PANK3: variants seen among roughly 807,000 people sequenced by gnomAD.
The protein encoded by PANK3 is pantothenate kinase 3, also known as hPanK3.
A neutral mutation model predicts 39.4 loss-of-function variants in PANK3; 20 were observed. The ratio of observed to expected loss-of-function variants is 0.51; its 90% CI spans 0.36 to 0.74. The LOEUF (loss-of-function observed/expected upper bound fraction) is 0.74. Among genes scored for constraint, PANK3 ranks in the 30% least tolerant of loss-of-function variants. PANK3 has a pLI of 0.00. For missense variants in PANK3, 265 were observed against 437.0 expected (o/e 0.61, Z 3.51); for synonymous variants, 140 against 157.3 (o/e 0.89, Z 0.82).
intron 1 of PANK3, among the ~76,000 whole-genome samples, chr5:168,575,670 T>C (rs995063835): frequency 6.6e-6 from 1 of 152,068 alleles, no homozygotes; most frequent in Non-Finnish European, 1.5e-5. Context: ...CCTGTAGTTC[T>C]AGCTACTGGG....
rs571035542 is a variant in PANK3, at chr5:168,578,966, T to C, written c.28+290A>G. Among the ~76,000 whole-genome samples the C allele has an allele frequency of 4.7e-4, 72 of 152,286 alleles. 1 individual carries two copies. The South Asian group carries it at 8.1e-3, about 17-fold the overall frequency. ...TTCAGGGGGAGCTGGGAGAGGAGACTAGTCTGGTTTGACAAAAATCAGAAT... is the reference window on the plus strand; with the variant it reads ...TTCAGGGGGAGCTGGGAGAGGAGACCAGTCTGGTTTGACAAAAATCAGAAT... On this transcript the variant is annotated intron_variant, in intron 1 of 6. Coordinates refer to ENST00000239231, the MANE Select transcript of PANK3 (RefSeq NM_024594.4).
At chr5:168,574,627 C>T (rs373078591) in intron 1 of PANK3, among the ~76,000 whole-genome samples, 131 of 152,164 alleles carry the variant, frequency 8.6e-4, no homozygotes, top group African/African-American at 1.9e-3. Context: ...TATGGGAGGC[C>T]GAGGTGGGTG....
intron 6 of PANK3, among the ~76,000 whole-genome samples, chr5:168,558,400 G>T (rs959902025): frequency 6.6e-6 from 1 of 151,864 alleles, no homozygotes; most frequent in African/African-American, 2.4e-5. Context: ...TCCTGACCTC[G>T]TGATCCGTCC....
chr5:168,554,793 C>T lies in PANK3; in HGVS notation c.*2778G>A, dbSNP rs1371761424. On this transcript the variant is annotated 3_prime_UTR_variant, in exon 7 of 7. Coordinates refer to ENST00000239231, the MANE Select transcript of PANK3 (RefSeq NM_024594.4). ...AATCTTAATTGAATGACAGTAACTACAAGTTTTATACCTGTGGCAAATACT... is the reference window on the plus strand; with the variant it reads ...AATCTTAATTGAATGACAGTAACTATAAGTTTTATACCTGTGGCAAATACT... The T allele has an allele frequency of 6.6e-6, 1 of 152,152 alleles. No individual in the cohort carries two copies. The highest frequency in any genetic ancestry group is 2.4e-5 in the African/African-American group (1 of 41,426). 9.4% of individuals were successfully genotyped at this position (152,152 alleles called of 1,614,324 possible). A position where few individuals can be genotyped will look rare whatever the true frequency, so the allele number is the denominator to read the frequency against.
intron 1 of PANK3, among the ~76,000 whole-genome samples, chr5:168,573,766 T>C (rs1759686852): frequency 6.8e-6 from 1 of 147,962 alleles, no homozygotes; most frequent in Non-Finnish European, 1.5e-5. Context: ...GAATATGCGG[T>C]GTTTGGTTTT....
intron 1 of PANK3, 32 bp from the exon 2 acceptor site, chr5:168,569,030 A>AAAAAAAAAAAT (rs1554125888): frequency 8.7e-6 from 1 of 115,516 alleles, no homozygotes; most frequent in Non-Finnish European, 1.2e-5. Context: ...AAAAAAAAAA[A>AAAAAAAAAAAT]ATATATATAT....
Position 168,562,785 on chromosome 5 carries a change from G to A in PANK3, c.812+1104C>T, listed in dbSNP as rs142714349. 2.9e-3 allele frequency among the ~76,000 whole-genome samples: 438 copies of A among 152,230 alleles called. 3 individuals are homozygous for A. The highest frequency in any genetic ancestry group is 9.9e-3 in the African/African-American group (410 of 41,536). ...CCCTAAGTTAATATGTAAACTTACT[G>A]AGATTCCAAAAACATTTTTGTAATA... On this transcript the variant is annotated intron_variant, in intron 4 of 6. Coordinates refer to ENST00000239231, the MANE Select transcript of PANK3 (RefSeq NM_024594.4).
chr5:168,564,917 T>G (rs1239262440), intron 3 of PANK3, among the ~76,000 whole-genome samples: 1 of 152,228 alleles, frequency 6.6e-6, no homozygotes, highest in Non-Finnish European at 1.5e-5. Context: ...TTGCTTCTAT[T>G]ATTCTTCTGG....
intron 2 of PANK3, among the ~76,000 whole-genome samples, chr5:168,566,866 T>C (rs1419895370): frequency 6.6e-6 from 1 of 152,050 alleles, no homozygotes; most frequent in Non-Finnish European, 1.5e-5. Context: ...CCTCAGCCTC[T>C]CAAGTAGCTG....
At chr5:168,558,798 G>A (rs1216043879) in intron 6 of PANK3, among the ~76,000 whole-genome samples, 2 of 152,132 alleles carry the variant, frequency 1.3e-5, no homozygotes, top group East Asian at 3.9e-4. Flanking sequence ...GCAACAAAGA[G>A]TGATCCTGTC....
At position 168,550,655 on chromosome 5, in the gene PANK3, C is replaced by A. The variant is rs140138133; in HGVS notation, c.*6916G>T. 6.6e-6 allele frequency: 1 copy of A among 152,122 alleles called. No individual in the cohort carries two copies. Among genetic ancestry groups the A allele is most frequent in the East Asian group, 1.9e-4 (1 of 5,186 alleles). 9.4% of individuals were successfully genotyped at this position (152,122 alleles called of 1,614,324 possible). ...ATACCTAGTACCTATCAAATATATACCAATAAAAATTATGTAATAACTTAA... is the reference window on the plus strand; with the variant it reads ...ATACCTAGTACCTATCAAATATATAACAATAAAAATTATGTAATAACTTAA... On this transcript the variant is annotated 3_prime_UTR_variant, in exon 7 of 7. Transcript: ENST00000239231.
chr5:168,574,832 G>C (rs981547489), intron 1 of PANK3, among the ~76,000 whole-genome samples: 3 of 152,074 alleles, frequency 2.0e-5, no homozygotes, highest in African/African-American at 7.2e-5. Context: ...CTGCACTCCA[G>C]CCTGGGCGAC....
chr5:168,562,127 T>C (rs529728010), intron 4 of PANK3, among the ~76,000 whole-genome samples: 4 of 152,160 alleles, frequency 2.6e-5, no homozygotes, highest in Admixed American at 6.5e-5. Flanking sequence ...CTTACGTGGC[T>C]AGAGGCTACT....
At position 168,553,090 on chromosome 5, in the gene PANK3, AACTT is replaced by A. The variant is rs1759297287; in HGVS notation, c.*4477_*4480del. Reference sequence around the variant, plus strand: ...CTCTTCCTTTCTGTTAATGAGCAAAAACTTACGACTTCCAGGGCAAAATGGAAGG... The same window carrying A: ...CTCTTCCTTTCTGTTAATGAGCAAAAACGACTTCCAGGGCAAAATGGAAGG... On this transcript the variant is annotated 3_prime_UTR_variant, in exon 7 of 7. Coordinates refer to ENST00000239231, the MANE Select transcript of PANK3 (RefSeq NM_024594.4). The A allele has an allele frequency of 2.4e-6, 1 of 423,790 alleles. No individual in the cohort carries two copies. The highest frequency in any genetic ancestry group is 4.6e-6 in the Non-Finnish European group (1 of 216,012). 26.3% of individuals were successfully genotyped at this position (423,790 alleles called of 1,614,324 possible). A position where few individuals can be genotyped will look rare whatever the true frequency, so the allele number is the denominator to read the frequency against.
At chr5:168,558,503 C>T (rs1330839080) in intron 6 of PANK3, among the ~76,000 whole-genome samples, 1 of 152,186 alleles carries the variant, frequency 6.6e-6, no homozygotes, top group Non-Finnish European at 1.5e-5. Context: ...ATTTGAATCT[C>T]TGTTACTAAT....
At chr5:168,575,894 CAT>C (rs1759724448) in intron 1 of PANK3, among the ~76,000 whole-genome samples, 2 of 152,086 alleles carry the variant, frequency 1.3e-5, no homozygotes, top group South Asian at 4.1e-4. Flanking sequence ...ACGCTCGAAA[CAT>C]AGGGTATTTT....
Position 168,557,278 on chromosome 5 carries a change from A to C in PANK3, c.*293T>G. 1 of 295,254 alleles carries C rather than the reference A, an allele frequency of 3.4e-6. No homozygotes were observed. The highest frequency in any genetic ancestry group is 6.7e-5 in the East Asian group (1 of 14,924). 18.3% of individuals were successfully genotyped at this position (295,254 alleles called of 1,614,324 possible). A position where few individuals can be genotyped will look rare whatever the true frequency, so the allele number is the denominator to read the frequency against. On this transcript the variant is annotated 3_prime_UTR_variant, in exon 7 of 7. Transcript: ENST00000239231. ...GATACTTTAAGATTTGTGTTTGAGCATACAGTACTGCAATGTTGGCTACAT... is the reference window on the plus strand; with the variant it reads ...GATACTTTAAGATTTGTGTTTGAGCCTACAGTACTGCAATGTTGGCTACAT...
chr5:168,559,428 G>A (rs1470080984), intron 5 of PANK3, among the ~76,000 whole-genome samples: 3 of 152,128 alleles, frequency 2.0e-5, no homozygotes, highest in Non-Finnish European at 4.4e-5. Context: ...TGTGTGCACA[G>A]GGTTATGGAC....
intron 1 of PANK3, among the ~76,000 whole-genome samples, chr5:168,575,389 G>C (rs1023845729): frequency 6.6e-6 from 1 of 152,192 alleles, no homozygotes; most frequent in Non-Finnish European, 1.5e-5. Flanking sequence ...CACAAGAGCA[G>C]ACTGTTAATT....
Sources: allele counts gnomAD v4.1 joint callset (sites outside exome capture counted in the v4.1 genomes callset), GRCh38; gene constraint gnomAD v4.1.1; transcripts MANE v1.5; gene names NCBI Gene and HGNC (gene_info 2026-07-23, HGNC 2026-07-21).